ARHGAP15: variants seen among roughly 807,000 people sequenced by gnomAD.
ARHGAP15 encodes the protein rho GTPase-activating protein 15.
ARHGAP15 carries 51 observed loss-of-function variants against 63.7 expected under a neutral mutation model. That is an observed-to-expected ratio of 0.80 (90% CI 0.64 to 1.01). The LOEUF is 1.01. Among genes scored for constraint, ARHGAP15 ranks in the 50% least tolerant of loss-of-function variants. The pLI, the probability that ARHGAP15 is intolerant of heterozygous loss-of-function variation, is 0.00. For missense variants in ARHGAP15, 560 were observed against 564.6 expected, an observed-to-expected ratio of 0.99 and a Z score of 0.08; for synonymous variants, 191 against 193.8, an observed-to-expected ratio of 0.99 and a Z score of 0.12.
At chr2:143,401,019 G>A (rs559598898) in intron 6 of ARHGAP15, among the ~76,000 whole-genome samples, 16 of 151,966 alleles carry the variant, frequency 1.1e-4, no homozygotes, top group African/African-American at 2.4e-4. Context: ...AATCACCAGC[G>A]CCAGGTGCAT....
intron 12 of ARHGAP15, among the ~76,000 whole-genome samples, chr2:143,693,388 ATTTC>A (rs1683699828): frequency 1.3e-5 from 2 of 152,182 alleles, no homozygotes; most frequent in Non-Finnish European, 2.9e-5. Context: ...CTTCTTGCAC[ATTTC>A]TTTCTAAATG....
chr2:143,497,832 T>C (rs1216281190), intron 9 of ARHGAP15, among the ~76,000 whole-genome samples: 1 of 151,276 alleles, frequency 6.6e-6, no homozygotes, highest in Non-Finnish European at 1.5e-5. Context: ...TCCATGCTAT[T>C]CAAGGAAGGA....
chr2:143,560,147 T>C (rs1196158060), intron 11 of ARHGAP15, among the ~76,000 whole-genome samples: 2 of 152,246 alleles, frequency 1.3e-5, no homozygotes, highest in Non-Finnish European at 2.9e-5. Context: ...TCTATTTGAC[T>C]TACTAAATCA....
intron 12 of ARHGAP15, among the ~76,000 whole-genome samples, chr2:143,626,646 C>CT (rs1698847670): frequency 6.6e-6 from 1 of 152,038 alleles, no homozygotes; most frequent in African/African-American, 2.4e-5. Context: ...TCAGAATGCC[C>CT]TTTTTTCAAT....
chr2:143,692,543 A>C (rs952461682), intron 12 of ARHGAP15, among the ~76,000 whole-genome samples: 2 of 152,192 alleles, frequency 1.3e-5, no homozygotes, highest in Non-Finnish European at 2.9e-5. Flanking sequence ...AGAACCAAAG[A>C]GTCATTCTGA....
intron 6 of ARHGAP15, among the ~76,000 whole-genome samples, chr2:143,348,078 C>G (rs1456455946): frequency 6.6e-6 from 1 of 152,002 alleles, no homozygotes. Flanking sequence ...CATTTTTGTT[C>G]CAGCTCTTTT....
At chr2:143,454,725 C>T (rs1010510306) in intron 8 of ARHGAP15, among the ~76,000 whole-genome samples, 5 of 151,972 alleles carry the variant, frequency 3.3e-5, no homozygotes, top group Non-Finnish European at 5.9e-5. Context: ...ATTCATAATA[C>T]AAGCGGATTA....
intron 9 of ARHGAP15, among the ~76,000 whole-genome samples, chr2:143,512,566 C>G (rs1693636633): frequency 6.6e-6 from 1 of 152,248 alleles, no homozygotes; most frequent in Non-Finnish European, 1.5e-5. Context: ...GCTATTTTGC[C>G]AGACCTGGTC....
At chr2:143,511,100 T>A (rs1559019146) in intron 9 of ARHGAP15, among the ~76,000 whole-genome samples, 1 of 152,230 alleles carries the variant, frequency 6.6e-6, no homozygotes, top group Non-Finnish European at 1.5e-5. Context: ...AACTAATTTG[T>A]AATCTGGAAG....
chr2:143,570,313 A>C (rs1383155770), intron 11 of ARHGAP15, among the ~76,000 whole-genome samples: 3 of 152,198 alleles, frequency 2.0e-5, no homozygotes, highest in African/African-American at 7.2e-5. Flanking sequence ...ATCACTCCTC[A>C]TTTTAAATCC....
intron 9 of ARHGAP15, among the ~76,000 whole-genome samples, chr2:143,498,742 T>G (rs982771715): frequency 6.6e-6 from 1 of 152,134 alleles, no homozygotes. Flanking sequence ...GAATACTCCT[T>G]CTTCATTGTC....
At chr2:143,556,969 T>C (rs937126426) in intron 11 of ARHGAP15, among the ~76,000 whole-genome samples, 1 of 152,122 alleles carries the variant, frequency 6.6e-6, no homozygotes, top group Non-Finnish European at 1.5e-5. Flanking sequence ...TACACACCTG[T>C]TAGAATGGCT....
chr2:143,220,498 A>G (rs952936865), intron 4 of ARHGAP15, among the ~76,000 whole-genome samples: 2 of 152,210 alleles, frequency 1.3e-5, no homozygotes, highest in Admixed American at 1.3e-4. Context: ...GGCGTGAGCA[A>G]TAGCACCCAG....
At chr2:143,631,125 A>G (rs771308918) in intron 12 of ARHGAP15, among the ~76,000 whole-genome samples, 15 of 151,990 alleles carry the variant, frequency 9.9e-5, no homozygotes, top group Non-Finnish European at 2.1e-4. Flanking sequence ...TTCATTCAAC[A>G]TAATTATTTT....
intron 8 of ARHGAP15, among the ~76,000 whole-genome samples, chr2:143,440,126 G>T (rs1012410477): frequency 6.6e-6 from 1 of 151,848 alleles, no homozygotes; most frequent in Non-Finnish European, 1.5e-5. Flanking sequence ...CATTCAATAT[G>T]TATGTATTCA....
chr2:143,519,359 A>G lies in ARHGAP15; in HGVS notation c.920A>G (p.Lys307Arg), dbSNP rs1332677023. The G allele has an allele frequency of 1.2e-6, 2 of 1,611,984 alleles. No individual in the cohort carries two copies. The highest frequency in any genetic ancestry group is 3.3e-5 in the Admixed American group (2 of 59,986). Residue 307 changes from lysine to arginine, a missense_variant, in exon 10 of 14, where the codon AAA (lysine) becomes AGA (arginine). Physicochemically the swap from Lys to Arg is conservative, Grantham distance 26. Coordinates refer to ENST00000295095, the MANE Select transcript of ARHGAP15 (RefSeq NM_018460.4). ...FVKQCIEAVEKRGLDVDGIYR... is the reference protein window; with the variant it reads ...FVKQCIEAVERRGLDVDGIYR... ...AAGCAATGCATTGAAGCTGTTGAGA[A>G]AAGAGGTGGGTGACTGAATGTGCAG...
chr2:143,495,539 T>C (rs1183366326), intron 9 of ARHGAP15, among the ~76,000 whole-genome samples: 4 of 152,152 alleles, frequency 2.6e-5, no homozygotes, highest in Non-Finnish European at 5.9e-5. Flanking sequence ...ACATAACTGA[T>C]TGTTTAAGGT....
chr2:143,513,979 G>A (rs888013011), intron 9 of ARHGAP15, among the ~76,000 whole-genome samples: 1 of 152,132 alleles, frequency 6.6e-6, no homozygotes, highest in Non-Finnish European at 1.5e-5. Context: ...TAGTATACAC[G>A]CTCAAAGGAT....
intron 11 of ARHGAP15, among the ~76,000 whole-genome samples, chr2:143,609,858 T>C (rs1574704969): frequency 1.3e-5 from 2 of 152,132 alleles, no homozygotes; most frequent in East Asian, 3.9e-4. Flanking sequence ...GCTTAATCCC[T>C]GAATTGGTGC....
Sources: gnomAD v4.1 joint callset for allele counts (sites outside exome capture counted in the v4.1 genomes callset) on GRCh38, gnomAD v4.1.1 for gene constraint, MANE v1.5 for transcripts, NCBI Gene and HGNC (gene_info 2026-07-23, HGNC 2026-07-21) for gene names.